The following PTPRB variants were observed in gnomAD, a reference collection of about 807,000 sequenced individuals.
PTPRB encodes protein tyrosine phosphatase receptor type B.
In PTPRB, 97 loss-of-function variants were observed where a neutral mutation model predicts 238.1. The observed-to-expected ratio is 0.41, with a 90% CI of 0.35 to 0.48. The LOEUF (loss-of-function observed/expected upper bound fraction) is 0.48. Among genes scored for constraint, PTPRB ranks in the 20% least tolerant of loss-of-function variants. PTPRB has a pLI of 0.30. For synonymous variants in PTPRB, 970 were observed against 995.4 expected, an observed-to-expected ratio of 0.97 and a Z score of 0.48; for missense variants, 2,292 against 2,681.9, an observed-to-expected ratio of 0.85 and a Z score of 3.21.
intron 7 of PTPRB, among the ~76,000 whole-genome samples, chr12:70,590,458 ATCT>A (rs1037247854): frequency 3.3e-5 from 5 of 152,136 alleles, no homozygotes; most frequent in African/African-American, 1.2e-4. Flanking sequence ...CAGTAATGTA[ATCT>A]TCTGTTGTAG....
At chr12:70,585,577 C>T (rs917432006) in intron 9 of PTPRB, among the ~76,000 whole-genome samples, 7 of 152,110 alleles carry the variant, frequency 4.6e-5, no homozygotes, top group Admixed American at 3.3e-4. Flanking sequence ...ATCACTTCCC[C>T]TCCTGCCACC....
At chr12:70,618,354 C>T (rs987423761) in intron 3 of PTPRB, among the ~76,000 whole-genome samples, 2 of 152,198 alleles carry the variant, frequency 1.3e-5, no homozygotes, top group Admixed American at 6.5e-5. Flanking sequence ...GAGTGATCTG[C>T]TCACCTCGGC....
At chr12:70,548,711 C>T (rs540214247) in intron 21 of PTPRB, among the ~76,000 whole-genome samples, 63 of 152,286 alleles carry the variant, frequency 4.1e-4, no homozygotes, top group African/African-American at 1.4e-3. Flanking sequence ...ATCACAACTA[C>T]TTTCCCCAGC....
chr12:70,556,963 C>T (rs190143502), intron 18 of PTPRB, among the ~76,000 whole-genome samples: 23 of 152,208 alleles, frequency 1.5e-4, no homozygotes, highest in Admixed American at 1.3e-3. Context: ...CTAACCTCTA[C>T]AAATGGAAAT....
At chr12:70,537,969 G>A (rs552414635) in intron 28 of PTPRB, 186 bp downstream of exon 28, 1 of 515,994 alleles carries the variant, frequency 1.9e-6, no homozygotes, top group South Asian at 3.2e-5. Flanking sequence ...TAGCCATTGT[G>A]AAAAATGTGG....
chr12:70,552,745 C>T (rs754983209), intron 21 of PTPRB, 32 bp downstream of exon 21: 1 of 1,611,204 alleles, frequency 6.2e-7, no homozygotes, highest in Non-Finnish European at 8.5e-7. Context: ...GTAGCATGTC[C>T]CTTCTAGCAA....
intron 11 of PTPRB, 151 bp downstream of exon 11, chr12:70,576,231 G>C (rs1377662422): frequency 4.9e-6 from 4 of 813,144 alleles, no homozygotes; most frequent in Non-Finnish European, 5.7e-6. Context: ...CACATAAGGA[G>C]TTTCTTGGGT....
intron 22 of PTPRB, among the ~76,000 whole-genome samples, chr12:70,543,871 G>T (rs557913672): frequency 5.6e-4 from 86 of 152,304 alleles, no homozygotes; most frequent in African/African-American, 2.0e-3. Context: ...TCATCTTTAA[G>T]ATGGGGATGA....
intron 13 of PTPRB, among the ~76,000 whole-genome samples, chr12:70,570,375 C>CCG (rs1319038555): frequency 6.6e-6 from 1 of 151,758 alleles, no homozygotes; most frequent in African/African-American, 2.4e-5. Context: ...GAGGTAGGGT[C>CCG]TCTGTCTGTT....
chr12:70,571,379 C>G, intron 12 of PTPRB, 90 bp from the exon 13 acceptor site: 1 of 1,262,996 alleles, frequency 7.9e-7, no homozygotes, highest in Non-Finnish European at 1.1e-6. Flanking sequence ...AAGGAACTGG[C>G]AACATCTCCC....
intron 3 of PTPRB, among the ~76,000 whole-genome samples, chr12:70,612,537 A>G (rs1458210520): frequency 6.6e-6 from 1 of 152,112 alleles, no homozygotes. Context: ...CATTCCAGAA[A>G]TTTGGAATCA....
intron 3 of PTPRB, among the ~76,000 whole-genome samples, chr12:70,610,070 C>T (rs917257930): frequency 4.6e-5 from 7 of 152,128 alleles, no homozygotes; most frequent in Non-Finnish European, 1.5e-5. Flanking sequence ...GCCATTCTGA[C>T]CCGCGCTGCC....
chr12:70,625,103 GACC>G (rs570701889), intron 2 of PTPRB, among the ~76,000 whole-genome samples: 436 of 152,096 alleles, frequency 2.9e-3, no homozygotes, highest in Admixed American at 5.3e-3. Flanking sequence ...TTCCATTTTA[GACC>G]ACCACCTTTT....
chr12:70,602,420 T>C (rs993481563), intron 4 of PTPRB, among the ~76,000 whole-genome samples: 1 of 152,206 alleles, frequency 6.6e-6, no homozygotes, highest in African/African-American at 2.4e-5. Flanking sequence ...AAATGCAATA[T>C]ACAGAGAAGT....
At chr12:70,538,641 C>A (rs1874549638) in intron 27 of PTPRB, 2 of 497,348 alleles carry the variant, frequency 4.0e-6, no homozygotes, top group Non-Finnish European at 7.2e-6. Context: ...AGAGCCCTTG[C>A]TGTTAACCCC....
In PTPRB at chr12:70,538,769, A is replaced by G. The variant is rs1874571772; in HGVS notation, c.5869+155T>C. 25 of 640,478 alleles carry G rather than the reference A, an allele frequency of 3.9e-5. No individual in the cohort carries two copies. The South Asian group carries it at 4.2e-4, about 11-fold the overall frequency. 39.7% of individuals were successfully genotyped at this position (640,478 alleles called of 1,614,324 possible). On this transcript the variant is annotated intron_variant, in intron 27 of 33. Transcript: ENST00000334414. ...CTATTATCCCTCTGGAGGGAAGTGCAGGAATATACAAGCTATTTCTTATTA... is the reference window on the plus strand; with the variant it reads ...CTATTATCCCTCTGGAGGGAAGTGCGGGAATATACAAGCTATTTCTTATTA...
At position 70,571,267 on chromosome 12, in the gene PTPRB, T is replaced by C; in HGVS notation, c.3129A>G (p.Leu1043=). The C allele has an allele frequency of 6.2e-7, 1 of 1,606,030 alleles. No individual in the cohort carries two copies. The highest frequency in any genetic ancestry group is 8.5e-7 in the Non-Finnish European group (1 of 1,172,758). Residue 1043 remains leucine, a synonymous_variant, in exon 13 of 34, where the codon CTA becomes CTG. Coordinates refer to ENST00000334414, the MANE Select transcript of PTPRB (RefSeq NM_001109754.4). ...GRTIPEPVKD[L]TLRNRSTEDL... is the part of the protein sequence containing the mutation. ...CCTCAGTGCTCCTGTTGCGCAATGTTAGATCCTTAACAGGCTCTGGAACTA... is the reference window on the plus strand; with the variant it reads ...CCTCAGTGCTCCTGTTGCGCAATGTCAGATCCTTAACAGGCTCTGGAACTA...
At chr12:70,614,866 G>A in intron 3 of PTPRB, among the ~76,000 whole-genome samples, 1 of 152,146 alleles carries the variant, frequency 6.6e-6, no homozygotes, top group Non-Finnish European at 1.5e-5. Context: ...GTAGAGAAAT[G>A]TTACTTTGAT....
intron 32 of PTPRB, among the ~76,000 whole-genome samples, chr12:70,525,994 T>C (rs1022391601): frequency 6.6e-6 from 1 of 152,216 alleles, no homozygotes; most frequent in Non-Finnish European, 1.5e-5. Flanking sequence ...ATCAGTGTAG[T>C]CAGTCTTAAA....
Sources: allele counts gnomAD v4.1 joint callset (sites outside exome capture counted in the v4.1 genomes callset), GRCh38; gene constraint gnomAD v4.1.1; transcripts MANE v1.5; gene names NCBI Gene and HGNC (gene_info 2026-07-23, HGNC 2026-07-21).